Variants in RGS12 observed in about 807,000 individuals in gnomAD.
RGS12 encodes the protein regulator of G-protein signaling 12.
Under a neutral mutation model 120.1 loss-of-function variants are expected in RGS12, and 66 were observed. The observed-to-expected ratio is 0.55, with a 90% confidence interval of 0.45 to 0.67. The LOEUF is 0.67. Ranked by LOEUF, RGS12 falls within the 30% of genes least tolerant of loss-of-function variation. The pLI is 0.00. For synonymous variants in RGS12, 827 were observed against 804.7 expected, an observed-to-expected ratio of 1.03 and a Z score of -0.47; for missense variants, 1,859 against 1,957.7, an observed-to-expected ratio of 0.95 and a Z score of 0.95.
Position 3,415,964 on chromosome 4 carries a change from G to A in RGS12, c.2284-14G>A. On this transcript the variant is annotated splice_polypyrimidine_tract_variant and intron_variant, in intron 6 of 17. Coordinates refer to ENST00000336727, the MANE Select transcript of RGS12 (RefSeq NM_001394154.1). Reference sequence around the variant, plus strand: ...GGAAGCCTTGCCGGGCTGCTCAGGTGCCTTTCCTGTCAGCTTTCCTACAGG... The same window carrying A: ...GGAAGCCTTGCCGGGCTGCTCAGGTACCTTTCCTGTCAGCTTTCCTACAGG... The A allele has an allele frequency of 6.3e-7, 1 of 1,599,896 alleles. No individual in the cohort carries two copies. The highest frequency in any genetic ancestry group is 1.1e-5 in the South Asian group (1 of 88,896).
intron 2 of RGS12, among the ~76,000 whole-genome samples, chr4:3,335,879 C>T (rs1326443367): frequency 6.6e-6 from 1 of 152,106 alleles, no homozygotes; most frequent in Non-Finnish European, 1.5e-5. Context: ...CATTTGAGGT[C>T]AGGAGTTCGA....
At chr4:3,315,100 C>T (rs1023055229) in intron 1 of RGS12, among the ~76,000 whole-genome samples, 6 of 152,228 alleles carry the variant, frequency 3.9e-5, no homozygotes, top group Admixed American at 6.5e-5. Flanking sequence ...TGCGTTGTCA[C>T]GGCTCACTGT....
intron 2 of RGS12, among the ~76,000 whole-genome samples, chr4:3,333,667 T>A (rs1712124464): frequency 6.6e-6 from 1 of 152,224 alleles, no homozygotes; most frequent in African/African-American, 2.4e-5. Context: ...TGGGTCTGTT[T>A]CTTAGTTCTG....
In RGS12 at chr4:3,365,636, C is replaced by T. The variant is rs561328529; in HGVS notation, c.1999-20780C>T. 9.4e-4 allele frequency among the ~76,000 whole-genome samples: 143 copies of T among 152,288 alleles called. No individual in the cohort carries two copies. Among genetic ancestry groups the T allele is most frequent in the Middle Eastern group, 6.8e-3 (2 of 294 alleles). ...GGCCTCCCACTCACCTCTGGGACGA[C>T]GTGCCGCACGTCACATTGTGTAGGA... On this transcript the variant is annotated intron_variant, in intron 3 of 17. Transcript: ENST00000336727. The surrounding 1 kb of genome is among the most constrained non-coding windows in gnomAD (Gnocchi z 4.0).
intron 4 of RGS12, among the ~76,000 whole-genome samples, chr4:3,387,358 G>A (rs1225495329): frequency 6.6e-6 from 1 of 152,196 alleles, no homozygotes; most frequent in Non-Finnish European, 1.5e-5. Context: ...CTCGGCCTCG[G>A]AAAGGGCTGC....
intron 4 of RGS12, among the ~76,000 whole-genome samples, chr4:3,404,028 T>G (rs915869581): frequency 6.6e-6 from 1 of 152,188 alleles, no homozygotes; most frequent in Non-Finnish European, 1.5e-5. Flanking sequence ...GTGCAGAACT[T>G]AGGTTCCAGA....
intron 3 of RGS12, among the ~76,000 whole-genome samples, chr4:3,379,280 A>C (rs911259456): frequency 6.6e-6 from 1 of 152,146 alleles, no homozygotes; most frequent in South Asian, 2.1e-4. Context: ...TAGAGACCTG[A>C]TGTACAGCTT....
At chr4:3,294,094 T>C (rs2110342477) in intron 1 of RGS12, among the ~76,000 whole-genome samples, 1 of 133,118 alleles carries the variant, frequency 7.5e-6, no homozygotes, top group East Asian at 2.2e-4. Flanking sequence ...GTGACCACCT[T>C]CTCTGTGCCT....
At chr4:3,310,851 C>A (rs1049054053) in intron 1 of RGS12, among the ~76,000 whole-genome samples, 6 of 152,168 alleles carry the variant, frequency 3.9e-5, no homozygotes, top group Non-Finnish European at 8.8e-5. Flanking sequence ...GTCTCAGGCC[C>A]TTCCTCTGTG....
intron 3 of RGS12, among the ~76,000 whole-genome samples, chr4:3,376,515 G>A (rs896531078): frequency 1.3e-5 from 2 of 152,150 alleles, no homozygotes; most frequent in African/African-American, 2.4e-5. Flanking sequence ...GGGGAGACAC[G>A]TGCCCTCCAA....
At chr4:3,416,619 CAAAAT>C (rs1189385018) in intron 7 of RGS12, among the ~76,000 whole-genome samples, 1 of 151,988 alleles carries the variant, frequency 6.6e-6, no homozygotes, top group African/African-American at 2.4e-5. Flanking sequence ...TCTTATTTAA[CAAAAT>C]AAAAGTTCTC....
rs1721144286 is a variant in RGS12, at chr4:3,406,510, A to C, written c.2021-7562A>C. Among the ~76,000 whole-genome samples the C allele has an allele frequency of 2.6e-5, 4 of 152,164 alleles. No individual in the cohort carries two copies. The South Asian group carries it at 8.3e-4, about 32-fold the overall frequency. ...CGCCTTCAGCCAAACCCTGCCACCAACCAGCTTTGTGTAATGAAGTGTCAG... is the reference window on the plus strand; with the variant it reads ...CGCCTTCAGCCAAACCCTGCCACCACCCAGCTTTGTGTAATGAAGTGTCAG... On this transcript the variant is annotated intron_variant, in intron 4 of 17. Coordinates refer to ENST00000336727, the MANE Select transcript of RGS12 (RefSeq NM_001394154.1).
chr4:3,332,479 G>A (rs1432719770), intron 2 of RGS12, among the ~76,000 whole-genome samples: 4 of 152,160 alleles, frequency 2.6e-5, no homozygotes, highest in Non-Finnish European at 5.9e-5. Context: ...TACTCATAAC[G>A]CACTAGTGAG....
At chr4:3,420,535 G>A (rs1383055611) in intron 9 of RGS12, 107 bp from the exon 10 acceptor site, 19 of 1,042,766 alleles carry the variant, frequency 1.8e-5, no homozygotes, top group Non-Finnish European at 2.5e-5. Flanking sequence ...GGTGGGGGGG[G>A]CTTCCTGGCG....
intron 13 of RGS12, among the ~76,000 whole-genome samples, chr4:3,424,798 T>G (rs1410444061): frequency 1.3e-5 from 2 of 152,198 alleles, no homozygotes; most frequent in African/African-American, 4.8e-5. Flanking sequence ...ACGAATGTGG[T>G]GGAGAAGGCG....
At chr4:3,396,932 C>G (rs1720099316) in intron 4 of RGS12, among the ~76,000 whole-genome samples, 1 of 151,324 alleles carries the variant, frequency 6.6e-6, no homozygotes, top group South Asian at 2.1e-4. Flanking sequence ...TTTTTAATTG[C>G]TGTAATTATA....
chr4:3,301,992 AT>A (rs11285490), intron 1 of RGS12, among the ~76,000 whole-genome samples: 89,125 of 147,898 alleles, frequency 0.6, 27,176 homozygotes, highest in African/African-American at 0.73. Context: ...GGTATCCTGT[AT>A]TTTTTTTTTT....
At position 3,426,864 on chromosome 4, in the gene RGS12, C is replaced by T. The variant is rs988641250; in HGVS notation, c.3332-1226C>T. The T allele has an allele frequency of 3.9e-5, 6 of 152,310 alleles. 1 individual carries two copies. The highest frequency in any genetic ancestry group is 1.4e-4 in the African/African-American group (6 of 41,546). The allele number at this position is 152,310 out of a possible 1,614,324, so 9.4% of individuals were successfully genotyped here. On this transcript the variant is annotated intron_variant, in intron 14 of 17. Coordinates refer to ENST00000336727, the MANE Select transcript of RGS12 (RefSeq NM_001394154.1). ...TCTTGGAAAGAGCTTTCTGGAAACCCACCTGCAGATGTTCTAGGTAGAGAG... is the reference window on the plus strand; with the variant it reads ...TCTTGGAAAGAGCTTTCTGGAAACCTACCTGCAGATGTTCTAGGTAGAGAG...
chr4:3,308,952 C>T (rs1003044385), intron 1 of RGS12, among the ~76,000 whole-genome samples: 10 of 152,218 alleles, frequency 6.6e-5, no homozygotes, highest in Admixed American at 3.3e-4. Context: ...GTCCCAGACG[C>T]GGTCGGCACT....
Sources: allele counts gnomAD v4.1 joint callset (sites outside exome capture counted in the v4.1 genomes callset), GRCh38; gene constraint gnomAD v4.1.1; non-coding constraint Gnocchi (gnomAD v3.1); transcripts MANE v1.5; gene names NCBI Gene and HGNC (gene_info 2026-07-23, HGNC 2026-07-21).